Variants in SCRIB observed in about 807,000 individuals in gnomAD.
The protein encoded by SCRIB is scribble planar cell polarity protein, also known as protein scribble homolog.
In SCRIB, 72 loss-of-function variants were observed where a neutral mutation model predicts 170.0. The ratio of observed to expected loss-of-function variants is 0.42; its 90% CI spans 0.35 to 0.52. SCRIB has a LOEUF of 0.52. Ranked by LOEUF, SCRIB falls within the 20% of genes least tolerant of loss-of-function variation. The pLI, the probability that SCRIB is intolerant of heterozygous loss-of-function variation, is 0.02. For synonymous variants in SCRIB, 1,298 were observed against 1,044.3 expected (o/e 1.24, Z -4.68); for missense variants, 2,475 against 2,338.5 (o/e 1.06, Z -1.20).
At chr8:143,806,864 G>A in intron 17 of SCRIB, 60 bp downstream of exon 17, 2 of 1,190,162 alleles carry the variant, frequency 1.7e-6, no homozygotes, top group Non-Finnish European at 2.4e-6. Context: ...TGTGCCATCA[G>A]TGTGAACTGT....
intron 24 of SCRIB, among the ~76,000 whole-genome samples, chr8:143,798,466 C>A (rs781786894): frequency 1.3e-5 from 2 of 152,160 alleles, no homozygotes; most frequent in Non-Finnish European, 2.9e-5. Context: ...CTCAGTTGTA[C>A]CAGTGGTGTC....
chr8:143,813,390 G>A lies in SCRIB; in HGVS notation c.504-16C>T, dbSNP rs1395743870. 6.2e-7 allele frequency: 1 copy of A among 1,613,474 alleles called. No homozygotes were observed. The highest frequency in any genetic ancestry group is 2.2e-5 in the East Asian group (1 of 44,880). The stretch of plus-strand genomic sequence containing the variant: ...TGACAGGGACCTGCAGAGGAAGCAG[G>A]GTGGAGGTGTGGCCACGCAGCCCTG... On this transcript the variant is annotated splice_polypyrimidine_tract_variant and intron_variant, in intron 5 of 36. Coordinates refer to ENST00000356994, the MANE Select transcript of SCRIB (RefSeq NM_182706.5).
intron 9 of SCRIB, among the ~76,000 whole-genome samples, chr8:143,811,656 C>T (rs958567864): frequency 2.0e-5 from 3 of 152,108 alleles, no homozygotes; most frequent in African/African-American, 4.8e-5. Flanking sequence ...GTGAGCCTGT[C>T]TGGTGCCCCA....
rs759552856 is a variant in SCRIB at position 143,808,746 on chromosome 8, CCTT to C, written c.1975_1977del (p.Lys659del). On this transcript the variant is annotated inframe_deletion, in exon 15 of 37. Coordinates refer to ENST00000356994, the MANE Select transcript of SCRIB (RefSeq NM_182706.5). Reference sequence around the variant, plus strand: ...CTACCCTCTTCCTCCTCCTCCTCCTCCTTCTGGGCCCGAGGAGCCCAGGGTGCG... The same window carrying C: ...CTACCCTCTTCCTCCTCCTCCTCCTCCTGGGCCCGAGGAGCCCAGGGTGCG... 6.2e-6 allele frequency: 10 copies of C among 1,604,236 alleles called. No individual in the cohort carries two copies. Among genetic ancestry groups the C allele is most frequent in the Non-Finnish European group, 7.7e-6 (9 of 1,175,188 alleles).
chr8:143,813,650 C>T lies in SCRIB; in HGVS notation c.433G>A (p.Gly145Arg), dbSNP rs144081360. ...GAAGGCACTCACTTGCCCACGTCCC[C>T]GGGCAGTGCCTGCAGAGACACATCA... is the stretch of plus-strand genomic sequence containing the variant. Reference protein sequence around the residue: ...LNDVSLQALPGDVGNLANLVT... With the variant: ...LNDVSLQALPRDVGNLANLVT... The change falls in exon 4 of 37, where the codon GGG (glycine) becomes AGG (arginine). Residue 145 changes from glycine to arginine, a missense_variant. Physicochemically the swap from Gly to Arg is moderately radical, Grantham distance 125. Transcript: ENST00000356994. The T allele has an allele frequency of 1.2e-3, 1,896 of 1,613,348 alleles. 3 individuals are homozygous for T. Among genetic ancestry groups the T allele is most frequent in the Middle Eastern group, 2.3e-3 (14 of 6,062 alleles).
rs1359323580 is a variant in SCRIB, at chr8:143,813,608, A to C, written c.446+29T>G. ...AGGGCCAATCCTGGTCCCCCACCCC[A>C]CCCTAGTTCCACCTGAGAAGGCACT... On this transcript the variant is annotated intron_variant, in intron 4 of 36. Coordinates refer to ENST00000356994, the MANE Select transcript of SCRIB (RefSeq NM_182706.5). The C allele has an allele frequency of 2.5e-6, 4 of 1,612,336 alleles. No homozygotes were observed. In the African/African-American group the frequency reaches 4.0e-5, roughly 16 times the overall value.
chr8:143,809,744 T>G (rs1338313738), intron 13 of SCRIB, 26 bp from the exon 14 acceptor site: 1 of 1,596,558 alleles, frequency 6.3e-7, no homozygotes, highest in Non-Finnish European at 8.5e-7. Context: ...GGGTCAGGCT[T>G]CGACGGAGCT....
rs1815609471 is a variant in SCRIB at position 143,809,581 on chromosome 8, C to T, written c.1668G>A (p.Gly556=). 3.1e-6 allele frequency: 5 copies of T among 1,611,496 alleles called. No individual in the cohort carries two copies. Among genetic ancestry groups the T allele is most frequent in the East Asian group, 4.5e-5 (2 of 44,880 alleles). The stretch of plus-strand genomic sequence containing the variant: ...GGTAGTCCTCTTCGGCGTCTTCCTC[C>T]CCGCCAGCAGTCGTGGCTTCCTGCT... The part of the protein sequence containing the change: ...GSQQEATTAG[G]EEDAEEDYQE... The change falls in exon 14 of 37, where the codon GGG becomes GGA. Residue 556 remains glycine, a synonymous_variant. Transcript: ENST00000356994.
chr8:143,809,325 G>A (rs1026228926), intron 14 of SCRIB, among the ~76,000 whole-genome samples: 7 of 152,108 alleles, frequency 4.6e-5, no homozygotes, highest in East Asian at 1.9e-4. Flanking sequence ...TGTGAGCCCA[G>A]CCGTCAGGGG....
chr8:143,803,414 C>A lies in SCRIB; in HGVS notation c.3572G>T (p.Gly1191Val). 1 of 1,589,450 alleles carries A rather than the reference C, an allele frequency of 6.3e-7. No homozygotes were observed. Among genetic ancestry groups the A allele is most frequent in the Non-Finnish European group, 8.5e-7 (1 of 1,172,524 alleles). The change falls in exon 24 of 37, where the codon GGC becomes GTC. Residue 1191 changes from glycine (G) to valine (V), a missense_variant. Physicochemically the swap from Gly to Val is moderately radical, Grantham distance 109. Around this residue, in one of 3 missense-constraint regions of SCRIB, gnomAD observed 1,966 missense variants for 1,742.9 expected, o/e 1.13. Transcript: ENST00000356994. ...GGCTGCGTCGGTGCTGGCCTCAAAG[C>A]CGTCACAGACCAGCACGGTGAGGGT... The part of the protein sequence containing the change: ...GDTLTVLVCD[G>V]FEASTDAALE...
rs1814883678 is a variant in SCRIB at position 143,795,111 on chromosome 8, C to G, written c.3773G>C (p.Gly1258Ala). ...HWGPEATEAA[G>A]RGLQPLKLDY... The stretch of plus-strand genomic sequence containing the variant: ...CAGCTTCAGGGGCTGCAGACCCCGA[C>G]CCTGGGGGCAGAGTGAACACAGCAC... The change falls in exon 27 of 37, where the codon GGT becomes GCT. Residue 1258 changes from glycine (G) to alanine (A), a missense_variant and splice_region_variant. Physicochemically the swap from Gly to Ala is moderately conservative, Grantham distance 60 (BLOSUM62 0). Around this residue, in one of 3 missense-constraint regions of SCRIB, gnomAD observed 1,966 missense variants for 1,742.9 expected, o/e 1.13. Coordinates refer to ENST00000356994, the MANE Select transcript of SCRIB (RefSeq NM_182706.5). 1.2e-6 allele frequency: 2 copies of G among 1,611,024 alleles called. No individual in the cohort carries two copies. Among genetic ancestry groups the G allele is most frequent in the Non-Finnish European group, 1.7e-6 (2 of 1,178,954 alleles).
In SCRIB at chr8:143,795,480, C is replaced by G. The variant is rs782040409; in HGVS notation, c.3654G>C (p.Arg1218=). Residue 1218 remains arginine (R), a synonymous_variant, in exon 25 of 37, where the codon CGG becomes CGC. Transcript: ENST00000356994. ...ANPFAAGIGH[R]NSLESISSID... ...TGGAAGAGATGCTCTCCAGGCTGTTCCGGTGGCCGATGCCTGCCGCAAAGG... is the reference window on the plus strand; with the variant it reads ...TGGAAGAGATGCTCTCCAGGCTGTTGCGGTGGCCGATGCCTGCCGCAAAGG... The G allele has an allele frequency of 6.2e-7, 1 of 1,613,056 alleles. No individual in the cohort carries two copies. Among genetic ancestry groups the G allele is most frequent in the Non-Finnish European group, 8.5e-7 (1 of 1,179,804 alleles).
rs1815326553 is a variant in SCRIB at position 143,804,624 on chromosome 8, G to A, written c.2953C>T (p.Pro985Ser). 1.3e-6 allele frequency: 2 copies of A among 1,525,262 alleles called. No homozygotes were observed. The highest frequency in any genetic ancestry group is 1.4e-5 in the African/African-American group (1 of 72,436). 94.5% of individuals were successfully genotyped at this position (1,525,262 alleles called of 1,614,324 possible). A position where few individuals can be genotyped will look rare whatever the true frequency, so the allele number is the denominator to read the frequency against. Residue 985 changes from proline to serine, a missense_variant, in exon 21 of 37, where the codon CCG becomes TCG. Physicochemically the swap from Pro to Ser is moderately conservative, Grantham distance 74. Coordinates refer to ENST00000356994, the MANE Select transcript of SCRIB (RefSeq NM_182706.5). ...TTATPGVPGL[P>S]SLAPSLLAAA... ...GCCAGCAGGCTGGGGGCCAGGCTCG[G>A]CAACCCAGGCACCCCGGGGGTGGCA...
At chr8:143,810,629 G>A (rs1207470050) in intron 12 of SCRIB, 25 bp from the exon 13 acceptor site, 14 of 1,608,176 alleles carry the variant, frequency 8.7e-6, no homozygotes, top group Non-Finnish European at 1.2e-5. Flanking sequence ...AGGATGAGCA[G>A]CAGCCACAGG....
intron 18 of SCRIB, among the ~76,000 whole-genome samples, chr8:143,805,943 C>A (rs1815405517): frequency 6.6e-6 from 1 of 152,212 alleles, no homozygotes; most frequent in Admixed American, 6.5e-5. Flanking sequence ...AAGAAGGGCG[C>A]ATGCCTCTTC....
chr8:143,809,222 G>A lies in SCRIB; in HGVS notation c.1699-197C>T, dbSNP rs142296425. 8.6e-4 allele frequency among the ~76,000 whole-genome samples: 131 copies of A among 152,252 alleles called. 1 individual carries two copies. The highest frequency in any genetic ancestry group is 6.8e-3 in the Middle Eastern group (2 of 294). ...GGCCAGGGGCTCATCCTGGAGACAC[G>A]CAGCGCCCCAGGTGGAAACGAAGGG... On this transcript the variant is annotated intron_variant, in intron 14 of 36. Coordinates refer to ENST00000356994, the MANE Select transcript of SCRIB (RefSeq NM_182706.5).
rs1816067672 is a variant in SCRIB, at chr8:143,815,710, G to T, written c.-338C>A. ...GCTGTGCCGCACCGGAACCGCCGCTGCCCGCCGGACTGCCCCGCCGACACC... is the reference window on the plus strand; with the variant it reads ...GCTGTGCCGCACCGGAACCGCCGCTTCCCGCCGGACTGCCCCGCCGACACC... On this transcript the variant is annotated 5_prime_UTR_variant, in exon 1 of 37. Coordinates refer to ENST00000356994, the MANE Select transcript of SCRIB (RefSeq NM_182706.5). 3.1e-6 allele frequency: 3 copies of T among 983,508 alleles called. No individual in the cohort carries two copies. In the South Asian group the frequency reaches 1.4e-4, roughly 46 times the overall value. 60.9% of individuals were successfully genotyped at this position (983,508 alleles called of 1,614,324 possible).
In SCRIB at chr8:143,803,519, C is replaced by T. The variant is rs782050775; in HGVS notation, c.3467G>A (p.Arg1156Gln). Residue 1156 changes from arginine to glutamine, a missense_variant, in exon 24 of 37, where the codon CGG becomes CAG. Physicochemically the swap from Arg to Gln is conservative, Grantham distance 43. This residue lies in a region of SCRIB where 1,966 missense variants were observed against 1,742.9 expected (regional missense o/e 1.13). Transcript: ENST00000356994. ...GCTCTGCTGGTTCACCTCCAACAGC[C>T]GCAAACCCACACGCAGCCGACCGTC... ...GRDGRLRVGL[R>Q]LLEVNQQSLL... is the part of the protein sequence containing the mutation. The T allele has an allele frequency of 5.6e-6, 9 of 1,604,340 alleles. No individual in the cohort carries two copies. The highest frequency in any genetic ancestry group is 2.2e-5 in the East Asian group (1 of 44,830).
intron 24 of SCRIB, among the ~76,000 whole-genome samples, chr8:143,797,919 G>C (rs1291178063): frequency 1.3e-5 from 2 of 152,234 alleles, no homozygotes; most frequent in Non-Finnish European, 2.9e-5. Flanking sequence ...TCCTGTTTTT[G>C]CAACTTTTCT....
Sources: gnomAD v4.1 joint callset for allele counts (sites outside exome capture counted in the v4.1 genomes callset) on GRCh38, gnomAD v4.1.1 for gene constraint, gnomAD v4.1.1 regional missense constraint, MANE v1.5 for transcripts, NCBI Gene and HGNC (gene_info 2026-07-23, HGNC 2026-07-21) for gene names.